The following UNC5D variants were observed in gnomAD, a reference collection of about 807,000 sequenced individuals.
The protein encoded by UNC5D is netrin receptor UNC5D.
A neutral mutation model predicts 105.4 loss-of-function variants in UNC5D; 39 were observed. The ratio of observed to expected loss-of-function variants is 0.37; its 90% confidence interval spans 0.29 to 0.48. The LOEUF (loss-of-function observed/expected upper bound fraction) is 0.48, where lower values mean the gene tolerates loss of function less well. Among genes scored for constraint, UNC5D ranks in the 20% least tolerant of loss-of-function variants. UNC5D has a pLI of 0.98. For missense variants in UNC5D, 991 were observed against 1,202.4 expected (o/e 0.82, Z 2.60); for synonymous variants, 452 against 450.4 (o/e 1.00, Z -0.04).
intron 12 of UNC5D, among the ~76,000 whole-genome samples, 178 bp downstream of exon 12, chr8:35,748,873 A>C (rs1830129605): frequency 6.6e-6 from 1 of 152,108 alleles, no homozygotes; most frequent in Non-Finnish European, 1.5e-5. Context: ...CCCCCATTAT[A>C]ATAGAAAAGA....
intron 4 of UNC5D, among the ~76,000 whole-genome samples, chr8:35,678,079 A>G (rs139141700): frequency 1.6e-3 from 240 of 152,262 alleles, no homozygotes; most frequent in African/African-American, 5.5e-3. Context: ...AGCAGACCAT[A>G]GTATATGTCT....
intron 3 of UNC5D, among the ~76,000 whole-genome samples, chr8:35,571,616 A>G (rs1817730304): frequency 6.6e-6 from 1 of 152,160 alleles, no homozygotes; most frequent in South Asian, 2.1e-4. Flanking sequence ...GAAAAAATCC[A>G]CTTTAGAGAA....
At chr8:35,726,587 C>CAGTT (rs764133989) in intron 10 of UNC5D, 58 bp downstream of exon 10, 69 of 1,571,228 alleles carry the variant, frequency 4.4e-5, no homozygotes, top group Non-Finnish European at 5.4e-5. Context: ...CATTTTTACA[C>CAGTT]AGTTACTTCC....
intron 1 of UNC5D, among the ~76,000 whole-genome samples, chr8:35,495,646 C>T (rs938442008): frequency 4.6e-5 from 7 of 152,104 alleles, no homozygotes; most frequent in Admixed American, 4.6e-4. Flanking sequence ...TATTTCCATT[C>T]TGGTGCCCCT....
At chr8:35,560,457 GGGTA>G (rs1335157780) in intron 2 of UNC5D, among the ~76,000 whole-genome samples, 23 of 152,182 alleles carry the variant, frequency 1.5e-4, no homozygotes, top group Non-Finnish European at 2.4e-4. Context: ...ATGTGTATAA[GGGTA>G]TGTATGTATA....
intron 4 of UNC5D, among the ~76,000 whole-genome samples, chr8:35,617,912 G>A (rs371830943): frequency 1.3e-5 from 2 of 152,212 alleles, no homozygotes; most frequent in African/African-American, 2.4e-5. Flanking sequence ...CTGGCTGTCA[G>A]TCCTCTCAAC....
intron 4 of UNC5D, among the ~76,000 whole-genome samples, chr8:35,657,076 G>GTATATATA (rs1823795081): frequency 2.1e-5 from 2 of 94,454 alleles, no homozygotes; most frequent in African/African-American, 1.0e-4. Context: ...GTGTGTGTGT[G>GTATATATA]TGTGTATATA....
chr8:35,559,628 C>G (rs1397607677), intron 2 of UNC5D, among the ~76,000 whole-genome samples: 1 of 152,186 alleles, frequency 6.6e-6, no homozygotes, highest in Non-Finnish European at 1.5e-5. Flanking sequence ...AACTACTATT[C>G]CAGAATTCTC....
At chr8:35,670,884 G>A (rs537121389) in intron 4 of UNC5D, among the ~76,000 whole-genome samples, 1 of 152,244 alleles carries the variant, frequency 6.6e-6, no homozygotes, top group East Asian at 1.9e-4. Context: ...AAAGATGGCA[G>A]AATTTTGAAT....
intron 4 of UNC5D, among the ~76,000 whole-genome samples, chr8:35,604,164 T>G (rs914364578): frequency 1.3e-5 from 2 of 152,214 alleles, no homozygotes; most frequent in Admixed American, 6.5e-5. Context: ...TTTGGCATGT[T>G]TTTGCAGTGG....
At chr8:35,277,477 C>A (rs1255875963) in intron 1 of UNC5D, among the ~76,000 whole-genome samples, 1 of 152,114 alleles carries the variant, frequency 6.6e-6, no homozygotes, top group Non-Finnish European at 1.5e-5. Flanking sequence ...TATTGAATGT[C>A]CTGTACCTGC....
intron 16 of UNC5D, among the ~76,000 whole-genome samples, chr8:35,781,446 T>C (rs111594876): frequency 0.018 from 2,728 of 152,248 alleles, 83 homozygotes; most frequent in African/African-American, 0.063. Flanking sequence ...GGTGTGTGTG[T>C]GCTAGGTTTT....
chr8:35,602,448 A>G, intron 4 of UNC5D, among the ~76,000 whole-genome samples: 1 of 152,088 alleles, frequency 6.6e-6, no homozygotes, highest in Middle Eastern at 3.2e-3. Context: ...TTTGGTTGGT[A>G]AGCTATTAAT....
In UNC5D at chr8:35,537,257, CAA is replaced by C. The variant is rs142366025; in HGVS notation, c.104-12034_104-12033del. ...TAGTAATCAGCAAGTGTATACTAAG[CAA>C]TTAATATTATTTTTATCCAATAACT... is the stretch of plus-strand genomic sequence containing the variant. On this transcript the variant is annotated intron_variant, in intron 1 of 16. Transcript: ENST00000404895. Among the ~76,000 whole-genome samples the C allele has an allele frequency of 2.0e-5, 3 of 152,110 alleles. No individual in the cohort carries two copies. The East Asian group carries it at 5.8e-4, about 29-fold the overall frequency.
intron 3 of UNC5D, among the ~76,000 whole-genome samples, chr8:35,568,628 G>T (rs1563544075): frequency 6.6e-6 from 1 of 152,256 alleles, no homozygotes; most frequent in Non-Finnish European, 1.5e-5. Flanking sequence ...GGTGGAGGTT[G>T]CAGGGAACTG....
At chr8:35,513,311 C>G (rs1178857536) in intron 1 of UNC5D, among the ~76,000 whole-genome samples, 1 of 151,412 alleles carries the variant, frequency 6.6e-6, no homozygotes, top group Non-Finnish European at 1.5e-5. Context: ...TCACTGCAAC[C>G]TCCACCTCCC....
chr8:35,697,638 G>C (rs1826881098), intron 7 of UNC5D, among the ~76,000 whole-genome samples: 1 of 152,094 alleles, frequency 6.6e-6, no homozygotes, highest in South Asian at 2.1e-4. Context: ...ATTTGTGATT[G>C]CAATTACGGA....
chr8:35,641,747 G>GTC (rs1463397268), intron 4 of UNC5D, among the ~76,000 whole-genome samples: 1 of 152,068 alleles, frequency 6.6e-6, no homozygotes, highest in Non-Finnish European at 1.5e-5. Flanking sequence ...AGTAGCTTGG[G>GTC]AAAATAGGAG....
At chr8:35,261,845 G>C (rs553711905) in intron 1 of UNC5D, among the ~76,000 whole-genome samples, 1 of 152,290 alleles carries the variant, frequency 6.6e-6, no homozygotes, top group East Asian at 1.9e-4. Flanking sequence ...GAAGGAGGTT[G>C]TTTTTAATTA....
Sources: allele counts gnomAD v4.1 joint callset (sites outside exome capture counted in the v4.1 genomes callset), GRCh38; gene constraint gnomAD v4.1.1; transcripts MANE v1.5; gene names NCBI Gene and HGNC (gene_info 2026-07-23, HGNC 2026-07-21).